The following MADD variants were observed in gnomAD, a reference collection of about 807,000 sequenced individuals.
The protein encoded by MADD is MAP kinase activating death domain.
Under a neutral mutation model 176.7 loss-of-function variants are expected in MADD, and 109 were observed. The ratio of observed to expected loss-of-function variants is 0.62; its 90% CI spans 0.53 to 0.72. The LOEUF is 0.72. Among genes scored for constraint, MADD ranks in the 30% least tolerant of loss-of-function variants. MADD has a pLI of 0.00. For synonymous variants in MADD, 771 were observed against 771.3 expected (o/e 1.00, Z 0.01); for missense variants, 1,914 against 2,045.5 (o/e 0.94, Z 1.24).
intron 4 of MADD, 31 bp from the exon 5 acceptor site, chr11:47,276,701 G>A (rs1045775580): frequency 6.2e-7 from 1 of 1,609,074 alleles, no homozygotes. Context: ...TTTATGTTTT[G>A]GAGTGATTCT....
intron 31 of MADD, chr11:47,327,744 C>T (rs2095613121): frequency 5.1e-6 from 5 of 985,334 alleles, no homozygotes; most frequent in Non-Finnish European, 6.0e-6. Context: ...CCCTGGGTTC[C>T]CCCAAATTCT....
At chr11:47,296,696 T>C (rs1259461993) in intron 22 of MADD, among the ~76,000 whole-genome samples, 1 of 151,444 alleles carries the variant, frequency 6.6e-6, no homozygotes, top group Non-Finnish European at 1.5e-5. Flanking sequence ...GATCACACAG[T>C]AAGCCCATGA....
chr11:47,271,504 A>G (rs1253479890), intron 1 of MADD, among the ~76,000 whole-genome samples: 5 of 152,122 alleles, frequency 3.3e-5, no homozygotes, highest in Non-Finnish European at 5.9e-5. Context: ...GTTTCGTCAG[A>G]TAGTTGTCAG....
chr11:47,327,048 G>T, intron 31 of MADD: 2 of 1,264,220 alleles, frequency 1.6e-6, no homozygotes, highest in Non-Finnish European at 2.0e-6. Context: ...TTTAGAGGTG[G>T]TCCTGAAGCA....
intron 31 of MADD, chr11:47,327,132 C>G: frequency 9.4e-7 from 1 of 1,065,252 alleles, no homozygotes; most frequent in Non-Finnish European, 1.1e-6. Flanking sequence ...AGCAGACTGG[C>G]GACCCCCAAG....
intron 25 of MADD, 62 bp downstream of exon 28, chr11:47,309,674 C>A: frequency 1.5e-6 from 2 of 1,335,248 alleles, no homozygotes; most frequent in South Asian, 2.4e-5. Context: ...TTGTTCCTGT[C>A]GCCTAAATTT....
chr11:47,292,824 C>T (rs116561343), intron 19 of MADD, among the ~76,000 whole-genome samples: 1 of 152,192 alleles, frequency 6.6e-6, no homozygotes, highest in African/African-American at 2.4e-5. Context: ...GAATACAACT[C>T]CCCAGAACTT....
intron 10 of MADD, among the ~76,000 whole-genome samples, chr11:47,283,760 A>C (rs981438997): frequency 6.6e-6 from 1 of 152,016 alleles, no homozygotes; most frequent in Non-Finnish European, 1.5e-5. Context: ...TTTAGTAGAG[A>C]CAAGGTTTCA....
exon 11 of MADD, chr11:47,284,201 A>G: frequency 6.2e-7 from 1 of 1,613,898 alleles, no homozygotes; most frequent in Non-Finnish European, 8.5e-7. Context: ...ATGGATTATG[A>G]CGATTCAAGC....
chr11:47,306,628 G>C (rs2082877614), intron 22 of MADD, among the ~76,000 whole-genome samples: 1 of 152,008 alleles, frequency 6.6e-6, no homozygotes, highest in African/African-American at 2.4e-5. Flanking sequence ...GCTGATCCTA[G>C]ATGGGGGAAG....
intron 1 of MADD, chr11:47,272,383 TCATTACCTAAAC>T (rs1965572134): frequency 6.6e-6 from 1 of 152,184 alleles, no homozygotes; most frequent in Non-Finnish European, 1.5e-5. Flanking sequence ...AAACTTCTAC[TCATTACCTAAAC>T]CAAATAGGGC....
At position 47,317,856 on chromosome 11, in the gene MADD, AC is replaced by A. The variant is rs1481794625; in HGVS notation, c.4197+2531del. Among the ~76,000 whole-genome samples the A allele has an allele frequency of 1.7e-4, 25 of 151,268 alleles. 1 individual carries two copies. The highest frequency in any genetic ancestry group is 6.1e-4 in the African/African-American group (25 of 41,160). ...ATGATCTCGGCTCACTGCAACCTAT[AC>A]CTCCCGGGTTCAAGCAGTTCTCCTG... is the stretch of plus-strand genomic sequence containing the variant. On this transcript the variant is annotated intron_variant, in intron 27 of 32. Transcript: ENST00000402192.
chr11:47,292,454 C>CGACTTGG, intron 19 of MADD, 89 bp from the exon 21 acceptor site: 1 of 1,159,172 alleles, frequency 8.6e-7, no homozygotes, highest in East Asian at 2.4e-5. Flanking sequence ...GAGACTGAAT[C>CGACTTGG]GACTTGGGTG....
intron 30 of MADD, chr11:47,324,810 C>A: frequency 1.5e-6 from 1 of 671,594 alleles, no homozygotes; most frequent in South Asian, 1.6e-5. Flanking sequence ...TGGGCAGGAG[C>A]GAGGCCAGGT....
intron 28 of MADD, 31 bp from the exon 32 acceptor site, chr11:47,324,234 A>G (rs2095074076): frequency 6.2e-7 from 1 of 1,608,598 alleles, no homozygotes; most frequent in Non-Finnish European, 8.5e-7. Context: ...GACAGCCCTC[A>G]TGATGGGACC....
intron 15 of MADD, among the ~76,000 whole-genome samples, chr11:47,288,688 G>A (rs1565368719): frequency 1.3e-5 from 2 of 152,094 alleles, no homozygotes; most frequent in South Asian, 2.1e-4. Context: ...GAAAACCAGC[G>A]GTCCCTGTTT....
At chr11:47,294,418 C>T (rs576671005) in intron 20 of MADD, among the ~76,000 whole-genome samples, 1 of 150,938 alleles carries the variant, frequency 6.6e-6, no homozygotes, top group South Asian at 2.1e-4. Flanking sequence ...AATCACAGGA[C>T]TTTGGGAGGC....
In MADD at chr11:47,286,546, C is replaced by T. The variant is rs766113461; in HGVS notation, c.2653+12C>T. 4 of 1,598,996 alleles carry T rather than the reference C, an allele frequency of 2.5e-6. No individual in the cohort carries two copies. The highest frequency in any genetic ancestry group is 3.4e-6 in the Non-Finnish European group (4 of 1,166,496). On this transcript the variant is annotated intron_variant, in intron 15 of 32. Coordinates refer to ENST00000402192, the Ensembl canonical transcript of MADD. Reference sequence around the variant, plus strand: ...CCCCAGTCTGAAAGGTAACTACAGCCTTCCTTTTGCCAAGCCAGGTTTCTC... The same window carrying T: ...CCCCAGTCTGAAAGGTAACTACAGCTTTCCTTTTGCCAAGCCAGGTTTCTC...
intron 16 of MADD, 90 bp from the exon 18 acceptor site, chr11:47,289,777 C>A: frequency 1.4e-6 from 2 of 1,424,422 alleles, no homozygotes; most frequent in South Asian, 2.5e-5. Flanking sequence ...TGTGTTTTAC[C>A]CCTGGAGGCA....
Sources: allele counts gnomAD v4.1 joint callset (sites outside exome capture counted in the v4.1 genomes callset), GRCh38; gene constraint gnomAD v4.1.1; transcripts MANE v1.5; gene names NCBI Gene and HGNC (gene_info 2026-07-23, HGNC 2026-07-21).